Variants in PRKG2 observed in about 807,000 individuals in gnomAD.
The protein encoded by PRKG2 is protein kinase cGMP-dependent 2.
PRKG2 carries 33 observed loss-of-function variants against 97.2 expected under a neutral mutation model. The ratio of observed to expected loss-of-function variants is 0.34; its 90% confidence interval spans 0.26 to 0.45. PRKG2 has a LOEUF of 0.45. Ranked by LOEUF, PRKG2 falls within the 20% of genes least tolerant of loss-of-function variation. PRKG2 has a pLI of 1.00. For synonymous variants in PRKG2, 330 were observed against 321.8 expected (o/e 1.03, Z -0.27); for missense variants, 638 against 900.0 (o/e 0.71, Z 3.73).
intron 14 of PRKG2, among the ~76,000 whole-genome samples, chr4:81,126,864 C>T (rs1745638505): frequency 6.6e-6 from 1 of 152,038 alleles, no homozygotes; most frequent in Non-Finnish European, 1.5e-5. Flanking sequence ...TGCAGAAGCT[C>T]CTTAGTTAAA....
chr4:81,105,770 T>C lies in PRKG2; in HGVS notation c.2063+43A>G, dbSNP rs200292932. 381 of 1,605,610 alleles carry C rather than the reference T, an allele frequency of 2.4e-4. 3 individuals carry two copies. In the African/African-American group the frequency reaches 4.6e-3, roughly 19 times the overall value. ...GTGTAGAAACAGAAACCGAAGCCTT[T>C]AGACTTTCTTCAAGACAAGGGGTTA... is the stretch of plus-strand genomic sequence containing the variant. On this transcript the variant is annotated intron_variant, in intron 16 of 18. Transcript: ENST00000264399.
intron 2 of PRKG2, among the ~76,000 whole-genome samples, chr4:81,198,250 C>T (rs537232645): frequency 2.7e-4 from 41 of 152,256 alleles, no homozygotes; most frequent in Non-Finnish European, 4.4e-4. Flanking sequence ...ATTTGAGAGG[C>T]TGAGAGGGCT....
At chr4:81,100,445 C>G (rs896620461) in intron 17 of PRKG2, among the ~76,000 whole-genome samples, 2 of 152,058 alleles carry the variant, frequency 1.3e-5, no homozygotes, top group East Asian at 1.9e-4. Context: ...ACAAACCTGA[C>G]AAAAACAAGA....
At chr4:81,195,685 C>T (rs1418157544) in intron 2 of PRKG2, among the ~76,000 whole-genome samples, 1 of 152,224 alleles carries the variant, frequency 6.6e-6, no homozygotes, top group Non-Finnish European at 1.5e-5. Context: ...TTCATTCCTG[C>T]TGTAGTATGT....
chr4:81,108,731 C>CA (rs1210537301), intron 15 of PRKG2, among the ~76,000 whole-genome samples: 2 of 151,790 alleles, frequency 1.3e-5, no homozygotes, highest in South Asian at 4.2e-4. Context: ...ACCATTTCTG[C>CA]AAAAAAATTT....
intron 14 of PRKG2, among the ~76,000 whole-genome samples, chr4:81,127,945 C>T (rs1159216887): frequency 1.3e-5 from 2 of 152,142 alleles, no homozygotes; most frequent in Non-Finnish European, 2.9e-5. Context: ...TTTGTCCATT[C>T]AGTATGATAT....
intron 6 of PRKG2, among the ~76,000 whole-genome samples, chr4:81,157,575 T>C (rs1560589448): frequency 6.6e-6 from 1 of 152,208 alleles, no homozygotes; most frequent in Non-Finnish European, 1.5e-5. Context: ...CCCTAACTCA[T>C]TTTATGAGGC....
chr4:81,208,799 GAAAC>G (rs1024355134), intron 1 of PRKG2, among the ~76,000 whole-genome samples: 8 of 151,964 alleles, frequency 5.3e-5, no homozygotes, highest in African/African-American at 1.9e-4. Context: ...AAGTCATTTG[GAAAC>G]AAACAGCCTG....
At chr4:81,169,628 A>AC in intron 5 of PRKG2, 35 bp downstream of exon 5, 1 of 1,415,352 alleles carries the variant, frequency 7.1e-7, no homozygotes, top group East Asian at 2.3e-5. Flanking sequence ...TGGCGACTCC[A>AC]CTGTCTTCAC....
intron 2 of PRKG2, chr4:81,193,035 G>GT: frequency 6.5e-6 from 1 of 153,134 alleles, no homozygotes; most frequent in Non-Finnish European, 1.5e-5. Context: ...GTTGTTTTTT[G>GT]TTTTTTGTTT....
In PRKG2 at chr4:81,169,802, A is replaced by C. The variant is rs200703095; in HGVS notation, c.743-34T>G. ...AATTCAAGAAAACAATAAAACACTT[A>C]GTACAACATTGTGAAAACATTCCAA... On this transcript the variant is annotated intron_variant, in intron 4 of 18. Coordinates refer to ENST00000264399, the MANE Select transcript of PRKG2 (RefSeq NM_006259.3). 33 of 1,350,250 alleles carry C rather than the reference A, an allele frequency of 2.4e-5. No homozygotes were observed. In the East Asian group the frequency reaches 7.9e-4, roughly 32 times the overall value. The allele number at this position is 1,350,250 out of a possible 1,614,324, so 83.6% of individuals were successfully genotyped here. A position where few individuals can be genotyped will look rare whatever the true frequency, so the allele number is the denominator to read the frequency against.
chr4:81,110,124 C>A (rs530276171), intron 15 of PRKG2, among the ~76,000 whole-genome samples: 1 of 152,194 alleles, frequency 6.6e-6, no homozygotes, highest in South Asian at 2.1e-4. Flanking sequence ...TAACACAGCC[C>A]AGAACTTTCA....
intron 13 of PRKG2, among the ~76,000 whole-genome samples, chr4:81,136,496 G>A (rs954328564): frequency 3.9e-5 from 6 of 152,026 alleles, no homozygotes; most frequent in African/African-American, 7.2e-5. Flanking sequence ...GCCAACCCAC[G>A]TTCTCATGTC....
chr4:81,182,094 G>T (rs562723742), intron 2 of PRKG2, among the ~76,000 whole-genome samples: 2 of 151,568 alleles, frequency 1.3e-5, no homozygotes, highest in African/African-American at 4.8e-5. Flanking sequence ...CAGGAAAGAC[G>T]AATTTTTCCC....
chr4:81,213,889 T>C (rs1179932560), intron 1 of PRKG2, among the ~76,000 whole-genome samples: 2 of 152,022 alleles, frequency 1.3e-5, no homozygotes, highest in Admixed American at 1.3e-4. Context: ...GCATCATCTT[T>C]TCAGGTCGTT....
At chr4:81,158,309 A>T (rs1026749005) in intron 6 of PRKG2, among the ~76,000 whole-genome samples, 1 of 143,654 alleles carries the variant, frequency 7.0e-6, no homozygotes, top group African/African-American at 3.0e-5. Flanking sequence ...GAGCCAAATT[A>T]TGAGTGAACT....
chr4:81,125,693 A>G (rs570670621), intron 14 of PRKG2, among the ~76,000 whole-genome samples: 1 of 152,322 alleles, frequency 6.6e-6, no homozygotes, highest in African/African-American at 2.4e-5. Context: ...CTGACTAGCT[A>G]TTCTTTGAAA....
chr4:81,148,817 G>C, intron 9 of PRKG2, 67 bp downstream of exon 9: 1 of 1,345,700 alleles, frequency 7.4e-7, no homozygotes, highest in Non-Finnish European at 1.1e-6. Context: ...GATCGGCCTT[G>C]AAGTAACAGA....
At chr4:81,125,712 A>C (rs1309233162) in intron 14 of PRKG2, among the ~76,000 whole-genome samples, 2 of 152,220 alleles carry the variant, frequency 1.3e-5, no homozygotes, top group Non-Finnish European at 2.9e-5. Context: ...AATGGTTTAC[A>C]AATTTCTTTT....
Sources: gnomAD v4.1 joint callset for allele counts (sites outside exome capture counted in the v4.1 genomes callset) on GRCh38, gnomAD v4.1.1 for gene constraint, MANE v1.5 for transcripts, NCBI Gene and HGNC (gene_info 2026-07-23, HGNC 2026-07-21) for gene names.